Variants in FBXO41 observed in about 807,000 individuals in gnomAD.
FBXO41 encodes F-box protein 41.
A neutral mutation model predicts 81.6 loss-of-function variants in FBXO41; 33 were observed. The ratio of observed to expected loss-of-function variants is 0.40; its 90% CI spans 0.31 to 0.54. The LOEUF (loss-of-function observed/expected upper bound fraction) is 0.54, where lower values mean the gene tolerates loss of function less well. Among genes scored for constraint, FBXO41 ranks in the 20% least tolerant of loss-of-function variants. The pLI is 0.39. For missense variants in FBXO41, 1,107 were observed against 1,236.0 expected, an observed-to-expected ratio of 0.90 and a Z score of 1.56; for synonymous variants, 576 against 552.7, an observed-to-expected ratio of 1.04 and a Z score of -0.59.
At position 73,260,600 on chromosome 2, in the gene FBXO41, G is replaced by T. The variant is rs1687976970; in HGVS notation, c.2291-53C>A. ...CTGACACACTCCCCAGGTCACCCCT[G>T]CAGCCAGCACCCTGGCTACCACCCT... On this transcript the variant is annotated intron_variant, in intron 10 of 12. Transcript: ENST00000520530. The surrounding 1 kb of genome is among the most constrained non-coding windows in gnomAD (Gnocchi z 5.0). The T allele has an allele frequency of 1.0e-5, 16 of 1,551,916 alleles. No homozygotes were observed. Among genetic ancestry groups the T allele is most frequent in the African/African-American group, 1.4e-5 (1 of 73,094 alleles).
At chr2:73,275,051 G>A (rs529229741) in intron 1 of FBXO41, among the ~76,000 whole-genome samples, 75 of 151,528 alleles carry the variant, frequency 4.9e-4, no homozygotes, top group African/African-American at 1.7e-3. Flanking sequence ...CACCATGCCC[G>A]GCTAATTTTT....
Position 73,259,316 on chromosome 2 carries a change from G to C in FBXO41, c.2450-20C>G. ...AGATGCCTGAGAAAAGGTGAGCAAA[G>C]TAGGGGCGTGTTTGGCCTGGGCTGT... On this transcript the variant is annotated intron_variant, in intron 11 of 12. Transcript: ENST00000520530. This position sits in a 1 kb window ranked among gnomAD's most constrained non-coding sequence, Gnocchi z 4.2. 6.2e-7 allele frequency: 1 copy of C among 1,606,568 alleles called. No homozygotes were observed. Among genetic ancestry groups the C allele is most frequent in the Non-Finnish European group, 8.5e-7 (1 of 1,173,238 alleles).
chr2:73,269,577 G>A lies in FBXO41; in HGVS notation c.54C>T (p.Arg18=). 2 of 1,341,542 alleles carry A rather than the reference G, an allele frequency of 1.5e-6. No individual in the cohort carries two copies. Among genetic ancestry groups the A allele is most frequent in the African/African-American group, 1.5e-5 (1 of 64,964 alleles). The allele number at this position is 1,341,542 out of a possible 1,614,324, so 83.1% of individuals were successfully genotyped here. The part of the protein sequence containing the change: ...YRCPRCGEHK[R]FRSLSSLRAH... Reference sequence around the variant, plus strand: ...CGCGCAGCGACGACAGGCTCCGGAAGCGCTTGTGCTCCCCGCAGCGGGGGC... The same window carrying A: ...CGCGCAGCGACGACAGGCTCCGGAAACGCTTGTGCTCCCCGCAGCGGGGGC... Residue 18 remains arginine (R), a synonymous_variant, in exon 2 of 13, where the codon CGC becomes CGT. Transcript: ENST00000520530. The surrounding 1 kb of genome is among the most constrained non-coding windows in gnomAD (Gnocchi z 7.0).
Position 73,269,521 on chromosome 2 carries a change from G to T in FBXO41, c.110C>A (p.Thr37Lys). The T allele has an allele frequency of 7.3e-7, 1 of 1,369,844 alleles. No individual in the cohort carries two copies. The highest frequency in any genetic ancestry group is 9.5e-7 in the Non-Finnish European group (1 of 1,052,328). The allele number at this position is 1,369,844 out of a possible 1,614,324, so 84.9% of individuals were successfully genotyped here. A position where few individuals can be genotyped will look rare whatever the true frequency, so the allele number is the denominator to read the frequency against. The change falls in exon 2 of 13, where the codon ACG becomes AAG. Residue 37 changes from threonine to lysine, a missense_variant. By Grantham distance (78) the Thr-to-Lys change is moderately conservative. Coordinates refer to ENST00000520530, the MANE Select transcript of FBXO41 (RefSeq NM_001371389.2). The surrounding 1 kb of genome is among the most constrained non-coding windows in gnomAD (Gnocchi z 7.0). ...AHLEYSHTYE[T>K]LYILSKTNSI... is the part of the protein sequence containing the mutation. ...GTTGGTCTTGGAGAGGATGTAGAGCGTCTCGTAGGTGTGGCTGTACTCCAG... is the reference window on the plus strand; with the variant it reads ...GTTGGTCTTGGAGAGGATGTAGAGCTTCTCGTAGGTGTGGCTGTACTCCAG...
In FBXO41 at chr2:73,277,306, G is replaced by A. The variant is rs1688725548; in HGVS notation, c.-139+6854C>T. Among the ~76,000 whole-genome samples the A allele has an allele frequency of 2.0e-5, 3 of 152,216 alleles. No homozygotes were observed. The South Asian group carries it at 6.2e-4, about 32-fold the overall frequency. ...CTAGATTTATGCACCTCCTAAGCGTGAGCCTGAAGCTTTGCTTGAATGCAG... is the reference window on the plus strand; with the variant it reads ...CTAGATTTATGCACCTCCTAAGCGTAAGCCTGAAGCTTTGCTTGAATGCAG... On this transcript the variant is annotated intron_variant, in intron 1 of 12. Coordinates refer to ENST00000520530, the MANE Select transcript of FBXO41 (RefSeq NM_001371389.2).
rs1174769534 is a variant in FBXO41 at position 73,269,121 on chromosome 2, C to A, written c.510G>T (p.Thr170=). The part of the protein sequence containing the change: ...RKSVASSACS[T]PPPGPGPGPC... ...GGCCGGGGCCGGGGCCAGGCGGCGG[C>A]GTCGAGCACGCCGAGGACGCCACGG... is the stretch of plus-strand genomic sequence containing the variant. Residue 170 remains threonine (T), a synonymous_variant, in exon 2 of 13, where the codon ACG becomes ACT. Transcript: ENST00000520530. The surrounding 1 kb of genome is among the most constrained non-coding windows in gnomAD (Gnocchi z 7.0). The A allele has an allele frequency of 6.6e-7, 1 of 1,512,210 alleles. No homozygotes were observed. The highest frequency in any genetic ancestry group is 8.8e-7 in the Non-Finnish European group (1 of 1,137,628). 93.7% of individuals were successfully genotyped at this position (1,512,210 alleles called of 1,614,324 possible). A position where few individuals can be genotyped will look rare whatever the true frequency, so the allele number is the denominator to read the frequency against.
In FBXO41 at chr2:73,259,783, T is replaced by G. The variant is rs1464258840; in HGVS notation, c.2450-487A>C. ...GCCTGGAGGTCATGATTCTGGAGGC[T>G]GAGCAGTTAGTTCTGGTGGTAAAGT... is the stretch of plus-strand genomic sequence containing the variant. On this transcript the variant is annotated intron_variant, in intron 11 of 12. Coordinates refer to ENST00000520530, the MANE Select transcript of FBXO41 (RefSeq NM_001371389.2). The surrounding 1 kb of genome is among the most constrained non-coding windows in gnomAD (Gnocchi z 4.2). Among the ~76,000 whole-genome samples, 2 of 151,886 alleles carry G rather than the reference T, an allele frequency of 1.3e-5. No individual in the cohort carries two copies. The highest frequency in any genetic ancestry group is 2.4e-5 in the African/African-American group (1 of 41,198).
intron 5 of FBXO41, 125 bp downstream of exon 5, chr2:73,265,157 C>T: frequency 1.1e-6 from 1 of 902,418 alleles, no homozygotes; most frequent in Non-Finnish European, 1.6e-6. Context: ...GAGTTCCTGC[C>T]CCAGGCTTGA....
intron 1 of FBXO41, chr2:73,271,294 C>G: frequency 3.9e-6 from 1 of 255,950 alleles, no homozygotes; most frequent in Non-Finnish European, 7.8e-6. Flanking sequence ...AGGGAACCAT[C>G]CTTCCCCACT....
chr2:73,260,747 T>C lies in FBXO41; in HGVS notation c.2283A>G (p.Ala761=), dbSNP rs758916516. The part of the protein sequence containing the change: ...GGAGCGVQGL[A]SLARNCMRLQ... ...GTCCAAGGAAAGACTCACCGAGTGA[T>C]GCCAGGCCCTGCACCCCACAGCCGG... Residue 761 remains alanine, a synonymous_variant, in exon 10 of 13, where the codon GCA becomes GCG. Coordinates refer to ENST00000520530, the MANE Select transcript of FBXO41 (RefSeq NM_001371389.2). This position sits in a 1 kb window ranked among gnomAD's most constrained non-coding sequence, Gnocchi z 5.0. The C allele has an allele frequency of 1.9e-6, 3 of 1,548,616 alleles. No individual in the cohort carries two copies. In the South Asian group the frequency reaches 3.6e-5, roughly 18 times the overall value.
chr2:73,258,813 C>T lies in FBXO41; in HGVS notation c.*169G>A. Reference sequence around the variant, plus strand: ...GGGGAGGCAGTGCCCTGGGTCAGGCCTGTTGCTCTGCTGCTCCAGGAGGAG... The same window carrying T: ...GGGGAGGCAGTGCCCTGGGTCAGGCTTGTTGCTCTGCTGCTCCAGGAGGAG... On this transcript the variant is annotated 3_prime_UTR_variant, in exon 13 of 13. Transcript: ENST00000520530. 1.3e-6 allele frequency: 1 copy of T among 743,160 alleles called. No individual in the cohort carries two copies. Among genetic ancestry groups the T allele is most frequent in the South Asian group, 2.0e-5 (1 of 50,650 alleles). The allele number at this position is 743,160 out of a possible 1,614,324, so 46.0% of individuals were successfully genotyped here.
intron 1 of FBXO41, chr2:73,272,278 C>T (rs1486866128): frequency 6.6e-6 from 1 of 152,222 alleles, no homozygotes; most frequent in East Asian, 1.9e-4. Context: ...AAGCAAGAGA[C>T]ACACTCTGGT....
Position 73,258,979 on chromosome 2 carries a change from G to A in FBXO41, c.*3C>T, listed in dbSNP as rs767121287. On this transcript the variant is annotated 3_prime_UTR_variant, in exon 13 of 13. Transcript: ENST00000520530. The stretch of plus-strand genomic sequence containing the variant: ...GCAGGGGCCCTGCCGCCCCCTACCC[G>A]GGTTAGCAGCCGCCTTCCACCTTGA... The A allele has an allele frequency of 9.5e-6, 15 of 1,573,276 alleles. No homozygotes were observed. The highest frequency in any genetic ancestry group is 3.5e-5 in the South Asian group (3 of 85,594).
rs568826796 is a variant in FBXO41 at position 73,283,546 on chromosome 2, G to C, written c.-139+614C>G. ...CAGGCCCACACAGTACTCGCTGGCC[G>C]ACTGTGGGCAGTGCACACAGGCCCC... On this transcript the variant is annotated intron_variant, in intron 1 of 12. Coordinates refer to ENST00000520530, the MANE Select transcript of FBXO41 (RefSeq NM_001371389.2). 3.9e-5 allele frequency among the ~76,000 whole-genome samples: 6 copies of C among 152,314 alleles called. No homozygotes were observed. The East Asian group carries it at 1.2e-3, about 29-fold the overall frequency.
At chr2:73,270,947 G>C (rs768724486) in intron 1 of FBXO41, 1 of 534,118 alleles carries the variant, frequency 1.9e-6, no homozygotes, top group South Asian at 1.4e-5. Context: ...TCCCATGGCC[G>C]ATACTGTTGA....
At position 73,260,759 on chromosome 2, in the gene FBXO41, C is replaced by T; in HGVS notation, c.2271G>A (p.Val757=). ...ACTCACCGAGTGATGCCAGGCCCTG[C>T]ACCCCACAGCCGGCACCCCCGACCC... ...ALGVGGAGCG[V]QGLASLARNC... The change falls in exon 10 of 13, where the codon GTG becomes GTA. Residue 757 remains valine, a synonymous_variant. Transcript: ENST00000520530. This position sits in a 1 kb window ranked among gnomAD's most constrained non-coding sequence, Gnocchi z 5.0. The T allele has an allele frequency of 1.3e-6, 2 of 1,553,874 alleles. No homozygotes were observed. The highest frequency in any genetic ancestry group is 2.4e-5 in the South Asian group (2 of 84,144).
In FBXO41 at chr2:73,269,476, G is replaced by A. The variant is rs1053992817; in HGVS notation, c.155C>T (p.Ala52Val). 1.2e-5 allele frequency: 16 copies of A among 1,281,978 alleles called. No homozygotes were observed. The highest frequency in any genetic ancestry group is 6.3e-5 in the African/African-American group (4 of 63,206). The allele number at this position is 1,281,978 out of a possible 1,614,324, so 79.4% of individuals were successfully genotyped here. The change falls in exon 2 of 13, where the codon GCC becomes GTC. Residue 52 changes from alanine (A) to valine (V), a missense_variant. Transcript: ENST00000520530. This position sits in a 1 kb window ranked among gnomAD's most constrained non-coding sequence, Gnocchi z 7.0. ...SKTNSICDGAAAAAAAAAAAS... is the reference protein window; with the variant it reads ...SKTNSICDGAVAAAAAAAAAS... Reference sequence around the variant, plus strand: ...AGCGGCGGCGGCGGCCGCGGCGGCGGCGGCGCCGTCGCAGATGCTGTTGGT... The same window carrying A: ...AGCGGCGGCGGCGGCCGCGGCGGCGACGGCGCCGTCGCAGATGCTGTTGGT...
intron 1 of FBXO41, among the ~76,000 whole-genome samples, chr2:73,273,368 G>A (rs1044990310): frequency 2.0e-5 from 3 of 152,162 alleles, no homozygotes; most frequent in African/African-American, 7.2e-5. Flanking sequence ...CATCTAAGAA[G>A]TGAAATACAG....
chr2:73,264,141 T>G (rs879538866), intron 6 of FBXO41, 88 bp from the exon 7 acceptor site: 5 of 1,552,310 alleles, frequency 3.2e-6, no homozygotes, highest in Non-Finnish European at 4.4e-6. Flanking sequence ...GAAGGCCCCA[T>G]GAGAGCATTT....
Sources: allele counts gnomAD v4.1 joint callset (sites outside exome capture counted in the v4.1 genomes callset), GRCh38; gene constraint gnomAD v4.1.1; non-coding constraint Gnocchi (gnomAD v3.1); transcripts MANE v1.5; gene names NCBI Gene and HGNC (gene_info 2026-07-23, HGNC 2026-07-21).